The following DYNC2H1 variants were observed in gnomAD, a reference collection of about 807,000 sequenced individuals.
DYNC2H1 encodes cytoplasmic dynein 2 heavy chain 1.
In DYNC2H1, 410 loss-of-function variants were observed where a neutral mutation model predicts 570.0. That is an observed-to-expected ratio of 0.72 (90% CI 0.66 to 0.78). The LOEUF (loss-of-function observed/expected upper bound fraction) is 0.78. DYNC2H1 is among the 30% of genes least tolerant of loss of function. The probability of loss-of-function intolerance (pLI) is 0.00; values close to 1 mark genes in which losing one functional copy is unlikely to be tolerated. For missense variants in DYNC2H1, 4,865 were observed against 5,046.4 expected (o/e 0.96, Z 1.09); for synonymous variants, 1,688 against 1,677.6 (o/e 1.01, Z -0.15).
intron 84 of DYNC2H1, chr11:103,408,226 C>G (rs919332745): frequency 1.3e-5 from 2 of 151,924 alleles, no homozygotes; most frequent in Non-Finnish European, 2.9e-5. Flanking sequence ...TTTATTGCAT[C>G]AGCAAATGGT....
At chr11:103,174,281 T>A in intron 36 of DYNC2H1, 111 bp downstream of exon 36, 1 of 771,350 alleles carries the variant, frequency 1.3e-6, no homozygotes, top group Non-Finnish European at 1.9e-6. Flanking sequence ...AGGATTACTG[T>A]ATACCCTGCC....
chr11:103,353,463 A>G (rs746047963), intron 82 of DYNC2H1, among the ~76,000 whole-genome samples: 1 of 152,066 alleles, frequency 6.6e-6, no homozygotes, highest in Admixed American at 6.6e-5. Context: ...CTAGATTTCT[A>G]TTTCTCTGTA....
intron 40 of DYNC2H1, 72 bp from the exon 41 acceptor site, chr11:103,184,824 G>T (rs1310414953): frequency 1.3e-6 from 2 of 1,512,042 alleles, no homozygotes; most frequent in African/African-American, 1.4e-5. Flanking sequence ...GTGAACATCA[G>T]TCTGTATGGT....
At chr11:103,424,566 C>CA (rs2135724224) in intron 84 of DYNC2H1, among the ~76,000 whole-genome samples, 1 of 152,136 alleles carries the variant, frequency 6.6e-6, no homozygotes, top group East Asian at 1.9e-4. Flanking sequence ...GCTCAACATT[C>CA]AAGAGGTGAA....
At chr11:103,200,228 C>T (rs1426095531) in intron 50 of DYNC2H1, 74 bp downstream of exon 50, 2 of 1,157,624 alleles carry the variant, frequency 1.7e-6, no homozygotes, top group Non-Finnish European at 2.4e-6. Flanking sequence ...TTATCTTGTG[C>T]AAAATTTATT....
At position 103,326,912 on chromosome 11, in the gene DYNC2H1, C is replaced by T. The variant is rs1938523366; in HGVS notation, c.12039+2922C>T. Among the ~76,000 whole-genome samples, 2 of 152,220 alleles carry T rather than the reference C, an allele frequency of 1.3e-5. No homozygotes were observed. The highest frequency in any genetic ancestry group is 4.1e-4 in the South Asian group (2 of 4,828). On this transcript the variant is annotated intron_variant, in intron 82 of 88. Transcript: ENST00000375735. The surrounding 1 kb of genome is among the most constrained non-coding windows in gnomAD (Gnocchi z 6.1). ...CCTGCACACAAAAGCTCCTGAGCTCCACAGCAGCTGAAGCACTGTTTCTGC... is the reference window on the plus strand; with the variant it reads ...CCTGCACACAAAAGCTCCTGAGCTCTACAGCAGCTGAAGCACTGTTTCTGC...
At chr11:103,316,523 TA>T (rs760869137) in intron 79 of DYNC2H1, 21 bp from the exon 80 acceptor site, 143 of 1,522,440 alleles carry the variant, frequency 9.4e-5, no homozygotes, top group Non-Finnish European at 1.1e-4. Flanking sequence ...GTTGTTTACT[TA>T]AAAAAATTGT....
chr11:103,129,952 C>A lies in DYNC2H1; in HGVS notation c.1953+947C>A, dbSNP rs1272681183. ...CCACAGTACTCAGTGTATGGTCATA[C>A]TCATAGCAGTATTTATTACGGTGAA... On this transcript the variant is annotated intron_variant, in intron 13 of 88. Transcript: ENST00000375735. The surrounding 1 kb of genome is among the most constrained non-coding windows in gnomAD (Gnocchi z 4.1). Among the ~76,000 whole-genome samples, 1 of 152,086 alleles carries A rather than the reference C, an allele frequency of 6.6e-6. No individual in the cohort carries two copies. The highest frequency in any genetic ancestry group is 1.9e-4 in the East Asian group (1 of 5,182).
Position 103,241,623 on chromosome 11 carries a change from T to G in DYNC2H1, c.9820-2070T>G. The G allele has an allele frequency of 8.0e-7, 1 of 1,254,200 alleles. No individual in the cohort carries two copies. Among genetic ancestry groups the G allele is most frequent in the Non-Finnish European group, 1.1e-6 (1 of 892,806 alleles). The allele number at this position is 1,254,200 out of a possible 1,614,324, so 77.7% of individuals were successfully genotyped here. On this transcript the variant is annotated intron_variant, in intron 63 of 88. Transcript: ENST00000375735. The surrounding 1 kb of genome is among the most constrained non-coding windows in gnomAD (Gnocchi z 5.1). ...TGCAGAATTGTGAAATGTGTGCTAT[T>G]GAATGCTAGCATAAAATTAGATCAA...
At position 103,164,313 on chromosome 11, in the gene DYNC2H1, T is replaced by C. The variant is rs545567539; in HGVS notation, c.4611+1166T>C. On this transcript the variant is annotated intron_variant, in intron 30 of 88. Coordinates refer to ENST00000375735, the MANE Select transcript of DYNC2H1 (RefSeq NM_001377.3). Reference sequence around the variant, plus strand: ...CAGCCTGCAACTTACCTCCAGGCCCTTGAGCAGTCAGGTAAAAGTGTGAAC... The same window carrying C: ...CAGCCTGCAACTTACCTCCAGGCCCCTGAGCAGTCAGGTAAAAGTGTGAAC... Among the ~76,000 whole-genome samples, 16 of 152,290 alleles carry C rather than the reference T, an allele frequency of 1.1e-4. No homozygotes were observed. In the South Asian group the frequency reaches 3.3e-3, roughly 32 times the overall value.
chr11:103,255,841 TTTA>T (rs1865035492), intron 67 of DYNC2H1, among the ~76,000 whole-genome samples: 1 of 152,076 alleles, frequency 6.6e-6, no homozygotes, highest in African/African-American at 2.4e-5. Context: ...TTAAGTAGTT[TTTA>T]TTTTTTATTA....
chr11:103,203,891 A>G lies in DYNC2H1; in HGVS notation c.8311+115A>G, dbSNP rs1862819521. On this transcript the variant is annotated intron_variant, in intron 51 of 88. Coordinates refer to ENST00000375735, the MANE Select transcript of DYNC2H1 (RefSeq NM_001377.3). The surrounding 1 kb of genome is among the most constrained non-coding windows in gnomAD (Gnocchi z 4.7). Reference sequence around the variant, plus strand: ...AAGGTATCTTAAATCTTTTTTCTGGAGCTTTTAGAAAGTAACACCTAACTA... The same window carrying G: ...AAGGTATCTTAAATCTTTTTTCTGGGGCTTTTAGAAAGTAACACCTAACTA... 5 of 717,800 alleles carry G rather than the reference A, an allele frequency of 7.0e-6. No homozygotes were observed. Among genetic ancestry groups the G allele is most frequent in the South Asian group, 2.2e-5 (1 of 44,722 alleles). 44.5% of individuals were successfully genotyped at this position (717,800 alleles called of 1,614,324 possible).
chr11:103,460,990 CT>C (rs1944991347), intron 87 of DYNC2H1, among the ~76,000 whole-genome samples: 1 of 152,028 alleles, frequency 6.6e-6, no homozygotes, highest in Non-Finnish European at 1.5e-5. Flanking sequence ...TCCACATATA[CT>C]TACAACTTTA....
chr11:103,230,863 C>CT (rs542860197), intron 59 of DYNC2H1, among the ~76,000 whole-genome samples: 147 of 152,246 alleles, frequency 9.7e-4, no homozygotes, highest in African/African-American at 3.5e-3. Flanking sequence ...GAGTGAGACT[C>CT]TGTCTCTTAA....
chr11:103,294,169 G>A (rs1038988899), intron 75 of DYNC2H1, among the ~76,000 whole-genome samples: 1 of 152,068 alleles, frequency 6.6e-6, no homozygotes, highest in South Asian at 2.1e-4. Flanking sequence ...ATTTCTTGTC[G>A]GAGAGGTTAC....
At chr11:103,445,939 A>G (rs1330484760) in intron 85 of DYNC2H1, among the ~76,000 whole-genome samples, 1 of 152,162 alleles carries the variant, frequency 6.6e-6, no homozygotes, top group African/African-American at 2.4e-5. Context: ...GGTGTGAGCC[A>G]CCGTGCGCGG....
intron 85 of DYNC2H1, among the ~76,000 whole-genome samples, chr11:103,453,526 TAAC>T (rs1005910576): frequency 2.0e-5 from 3 of 151,462 alleles, no homozygotes; most frequent in African/African-American, 7.3e-5. Flanking sequence ...CATAGATTAA[TAAC>T]ATTTTTACTA....
rs146620088 is a variant in DYNC2H1, at chr11:103,277,619, C to G, written c.10696-2729C>G. Among the ~76,000 whole-genome samples the G allele has an allele frequency of 6.6e-6, 1 of 152,078 alleles. No individual in the cohort carries two copies. Among genetic ancestry groups the G allele is most frequent in the South Asian group, 2.1e-4 (1 of 4,824 alleles). On this transcript the variant is annotated intron_variant, in intron 70 of 88. Coordinates refer to ENST00000375735, the MANE Select transcript of DYNC2H1 (RefSeq NM_001377.3). This position sits in a 1 kb window ranked among gnomAD's most constrained non-coding sequence, Gnocchi z 4.3. ...TTTTCTCCTGCTGATAATTTTGGAC[C>G]GTGAACCCATCTTCAGTGATACTTT...
intron 18 of DYNC2H1, among the ~76,000 whole-genome samples, chr11:103,146,886 C>A (rs1860268771): frequency 6.6e-6 from 1 of 152,112 alleles, no homozygotes; most frequent in East Asian, 1.9e-4. Flanking sequence ...TTACAGGCCA[C>A]TGTGCCTGGC....
Sources: gnomAD v4.1 joint callset for allele counts (sites outside exome capture counted in the v4.1 genomes callset) on GRCh38, gnomAD v4.1.1 for gene constraint, Gnocchi (gnomAD v3.1) non-coding constraint, MANE v1.5 for transcripts, NCBI Gene and HGNC (gene_info 2026-07-23, HGNC 2026-07-21) for gene names.